Variants in MED10 observed in about 807,000 individuals in gnomAD.
MED10 encodes mediator of RNA polymerase II transcription subunit 10.
MED10 carries 9 observed loss-of-function variants against 17.2 expected under a neutral mutation model. The observed-to-expected ratio is 0.52, with a 90% CI of 0.31 to 0.91. The LOEUF (loss-of-function observed/expected upper bound fraction) is 0.91, where lower values mean the gene tolerates loss of function less well. Among genes scored for constraint, MED10 ranks in the 40% least tolerant of loss-of-function variants. The pLI, the probability that MED10 is intolerant of heterozygous loss-of-function variation, is 0.04. For synonymous variants in MED10, 66 were observed against 59.8 expected, an observed-to-expected ratio of 1.10 and a Z score of -0.48; for missense variants, 129 against 164.8, an observed-to-expected ratio of 0.78 and a Z score of 1.19.
At chr5:6,376,946 A>G in intron 2 of MED10, 1 of 386,944 alleles carries the variant, frequency 2.6e-6, no homozygotes, top group East Asian at 3.9e-5. Flanking sequence ...TATTAAGGAT[A>G]TTCTTTTTTT....
chr5:6,374,396 G>C lies in MED10; in HGVS notation c.237C>G (p.Leu79=), dbSNP rs757623103. The change falls in exon 3 of 4, where the codon CTC becomes CTG. Residue 79 remains leucine, a synonymous_variant. Coordinates refer to ENST00000255764, the MANE Select transcript of MED10 (RefSeq NM_032286.3). ...EYIDQGRNPQ[L]YTKECLERAL... Reference sequence around the variant, plus strand: ...CCCTCTCCAGGCACTCTTTGGTGTAGAGCTGGGGATTTCGACCTTGATCTA... The same window carrying C: ...CCCTCTCCAGGCACTCTTTGGTGTACAGCTGGGGATTTCGACCTTGATCTA... 8.1e-6 allele frequency: 13 copies of C among 1,613,810 alleles called. No individual in the cohort carries two copies. Among genetic ancestry groups the C allele is most frequent in the Admixed American group, 1.7e-5 (1 of 60,002 alleles).
intron 2 of MED10, 35 bp from the exon 3 acceptor site, chr5:6,374,461 T>C (rs769730495): frequency 4.3e-5 from 60 of 1,397,312 alleles, no homozygotes; most frequent in Non-Finnish European, 5.9e-5. Context: ...AGCATTCTCA[T>C]GACTGACACC....
intron 2 of MED10, among the ~76,000 whole-genome samples, chr5:6,375,204 T>C (rs1030790597): frequency 1.3e-5 from 2 of 152,182 alleles, no homozygotes; most frequent in Admixed American, 6.5e-5. Flanking sequence ...TACCTATATT[T>C]TACCAAGAGC....
intron 3 of MED10, 65 bp from the exon 4 acceptor site, chr5:6,372,666 T>G (rs959770792): frequency 7.2e-7 from 1 of 1,380,170 alleles, no homozygotes; most frequent in Admixed American, 1.7e-5. Context: ...ATTTAAAATA[T>G]GCCTTTTGGA....
chr5:6,372,587 C>A lies in MED10; in HGVS notation c.324G>T (p.Leu108=). The A allele has an allele frequency of 1.2e-6, 2 of 1,613,794 alleles. No individual in the cohort carries two copies. Among genetic ancestry groups the A allele is most frequent in the Non-Finnish European group, 1.7e-6 (2 of 1,179,674 alleles). The change falls in exon 4 of 4, where the codon CTG becomes CTT. Residue 108 remains leucine, a synonymous_variant. Coordinates refer to ENST00000255764, the MANE Select transcript of MED10 (RefSeq NM_032286.3). ...ATACTTTAGAAAGTTCTTGAATCAACAGGCTTTTAAATTTCTACAAAGAAA... is the reference window on the plus strand; with the variant it reads ...ATACTTTAGAAAGTTCTTGAATCAAAAGGCTTTTAAATTTCTACAAAGAAA... The part of the protein sequence containing the change: ...KIDTMKKFKS[L]LIQELSKVFP...
chr5:6,376,202 C>T (rs180801804), intron 2 of MED10, among the ~76,000 whole-genome samples: 69 of 152,320 alleles, frequency 4.5e-4, no homozygotes, highest in African/African-American at 1.5e-3. Flanking sequence ...AAAACCACCT[C>T]TGTGTCCTGT....
chr5:6,376,878 T>C (rs974824148), intron 2 of MED10: 1 of 224,632 alleles, frequency 4.5e-6, no homozygotes, highest in African/African-American at 2.3e-5. Flanking sequence ...GGACCTATGA[T>C]GTATTTCATA....
At chr5:6,377,278 T>A in intron 1 of MED10, 29 bp from the exon 2 acceptor site, 1 of 1,568,806 alleles carries the variant, frequency 6.4e-7, no homozygotes, top group Non-Finnish European at 8.7e-7. Context: ...CACAGGCATC[T>A]GGTTAATTTC....
At position 6,372,313 on chromosome 5, in the gene MED10, A is replaced by G. The variant is rs1737902797; in HGVS notation, c.*190T>C. 1 of 567,114 alleles carries G rather than the reference A, an allele frequency of 1.8e-6. No individual in the cohort carries two copies. 35.1% of individuals were successfully genotyped at this position (567,114 alleles called of 1,614,324 possible). On this transcript the variant is annotated 3_prime_UTR_variant, in exon 4 of 4. Transcript: ENST00000255764. The stretch of plus-strand genomic sequence containing the variant: ...TTGACGCCAGACAAGCTGCTGGAAC[A>G]GCTGGGGCACAGCTCCGCCTCTCCT...
At position 6,372,499 on chromosome 5, in the gene MED10, C is replaced by T. The variant is rs759797500; in HGVS notation, c.*4G>A. 6.2e-7 allele frequency: 1 copy of T among 1,613,478 alleles called. No homozygotes were observed. The highest frequency in any genetic ancestry group is 8.5e-7 in the Non-Finnish European group (1 of 1,179,406). On this transcript the variant is annotated 3_prime_UTR_variant, in exon 4 of 4. Transcript: ENST00000255764. ...GGGATCTTCACACAGGGAGGGTGAGCTGGTTAAGAAGGCGGGTGATCCTCC... is the reference window on the plus strand; with the variant it reads ...GGGATCTTCACACAGGGAGGGTGAGTTGGTTAAGAAGGCGGGTGATCCTCC...
intron 3 of MED10, among the ~76,000 whole-genome samples, chr5:6,372,854 C>T (rs544608444): frequency 1.3e-5 from 2 of 152,344 alleles, no homozygotes; most frequent in East Asian, 3.9e-4. Context: ...ACCAGTGTGA[C>T]AGGAGCCTGC....
intron 1 of MED10, among the ~76,000 whole-genome samples, chr5:6,377,695 C>T (rs939318939): frequency 1.3e-5 from 2 of 152,190 alleles, no homozygotes; most frequent in African/African-American, 4.8e-5. Flanking sequence ...TGGCTATTCC[C>T]ACAGCACTAG....
In MED10 at chr5:6,372,461, A is replaced by C. The variant is rs199607293; in HGVS notation, c.*42T>G. On this transcript the variant is annotated 3_prime_UTR_variant, in exon 4 of 4. Transcript: ENST00000255764. Reference sequence around the variant, plus strand: ...ACTCGCAGTCCCAGCCTCACGCCGCATCGCAGTCCCAGGGGATCTTCACAC... The same window carrying C: ...ACTCGCAGTCCCAGCCTCACGCCGCCTCGCAGTCCCAGGGGATCTTCACAC... The C allele has an allele frequency of 5.1e-4, 789 of 1,559,366 alleles. 2 individuals carry two copies. The African/African-American group carries it at 9.8e-3, about 19-fold the overall frequency.
Position 6,377,145 on chromosome 5 carries a change from AAT to A in MED10, c.206+19_206+20del. The A allele has an allele frequency of 6.6e-7, 1 of 1,521,894 alleles. No homozygotes were observed. Among genetic ancestry groups the A allele is most frequent in the Non-Finnish European group, 9.1e-7 (1 of 1,102,604 alleles). The allele number at this position is 1,521,894 out of a possible 1,614,324, so 94.3% of individuals were successfully genotyped here. On this transcript the variant is annotated intron_variant, in intron 2 of 3. Coordinates refer to ENST00000255764, the MANE Select transcript of MED10 (RefSeq NM_032286.3). Reference sequence around the variant, plus strand: ...CTGAACAAGATTTATACCCAAGACTAATATCAAGAATGTTACTTACTCAAAAA... The same window carrying A: ...CTGAACAAGATTTATACCCAAGACTAATCAAGAATGTTACTTACTCAAAAA...
chr5:6,372,356 T>C lies in MED10; in HGVS notation c.*147A>G, dbSNP rs980105212. ...CCTCTCCTCCAGCCCCTCGGTCCCA[T>C]GAGGCCAAACAATGAGGACAGAGGG... On this transcript the variant is annotated 3_prime_UTR_variant, in exon 4 of 4. Transcript: ENST00000255764. The C allele has an allele frequency of 2.2e-5, 14 of 645,986 alleles. No individual in the cohort carries two copies. Among genetic ancestry groups the C allele is most frequent in the African/African-American group, 3.7e-5 (2 of 54,638 alleles). 40.0% of individuals were successfully genotyped at this position (645,986 alleles called of 1,614,324 possible). A position where few individuals can be genotyped will look rare whatever the true frequency, so the allele number is the denominator to read the frequency against.
intron 3 of MED10, among the ~76,000 whole-genome samples, chr5:6,373,898 T>C (rs985236620): frequency 1.3e-5 from 2 of 152,198 alleles, no homozygotes; most frequent in African/African-American, 2.4e-5. Context: ...ACAATGGATA[T>C]GGTAAAAAGA....
intron 2 of MED10, chr5:6,374,800 G>A (rs946065730): frequency 4.4e-5 from 8 of 180,276 alleles, no homozygotes; most frequent in African/African-American, 1.9e-4. Flanking sequence ...CTTGACAAAA[G>A]AAAAAACTAA....
intron 1 of MED10, 51 bp downstream of exon 1, chr5:6,378,311 C>T (rs1738043417): frequency 1.3e-6 from 2 of 1,514,930 alleles, no homozygotes; most frequent in Non-Finnish European, 8.8e-7. Context: ...CTAGCACACG[C>T]TTCCCGGCCA....
chr5:6,378,352 C>A lies in MED10; in HGVS notation c.122+10G>T. ...TGGGGAGACCCCGGCAGCCTCGGGC[C>A]GCCACTCACAGCTTTTGGTTGAGCC... On this transcript the variant is annotated intron_variant, in intron 1 of 3. Coordinates refer to ENST00000255764, the MANE Select transcript of MED10 (RefSeq NM_032286.3). 2.5e-6 allele frequency: 4 copies of A among 1,599,432 alleles called. No homozygotes were observed. Among genetic ancestry groups the A allele is most frequent in the Non-Finnish European group, 3.4e-6 (4 of 1,174,224 alleles).
Sources: gnomAD v4.1 joint callset for allele counts (sites outside exome capture counted in the v4.1 genomes callset) on GRCh38, gnomAD v4.1.1 for gene constraint, MANE v1.5 for transcripts, NCBI Gene and HGNC (gene_info 2026-07-23, HGNC 2026-07-21) for gene names.